The following SELENOT variants were observed in gnomAD, a reference collection of about 807,000 sequenced individuals.
SELENOT encodes selenoprotein T.
A neutral mutation model predicts 24.3 loss-of-function variants in SELENOT; 9 were observed. The ratio of observed to expected loss-of-function variants is 0.37; its 90% CI spans 0.22 to 0.65. The LOEUF (loss-of-function observed/expected upper bound fraction) is 0.65, where lower values mean the gene tolerates loss of function less well. Ranked by LOEUF, SELENOT falls within the 30% of genes least tolerant of loss-of-function variation. SELENOT has a pLI of 0.60. For synonymous variants in SELENOT, 81 were observed against 86.0 expected, an observed-to-expected ratio of 0.94 and a Z score of 0.32; for missense variants, 166 against 247.6, an observed-to-expected ratio of 0.67 and a Z score of 2.21.
intron 4 of SELENOT, among the ~76,000 whole-genome samples, chr3:150,626,309 A>G (rs1726444710): frequency 6.6e-6 from 1 of 152,222 alleles, no homozygotes; most frequent in Non-Finnish European, 1.5e-5. Flanking sequence ...GATCTATTTC[A>G]GTGGTTAGCA....
intron 1 of SELENOT, among the ~76,000 whole-genome samples, chr3:150,615,050 G>A (rs997129460): frequency 8.0e-6 from 1 of 125,532 alleles, no homozygotes; most frequent in African/African-American, 3.1e-5. Flanking sequence ...AGAGTGTGAT[G>A]TTCCCCTTCC....
At chr3:150,604,499 A>G (rs2108002517) in intron 1 of SELENOT, among the ~76,000 whole-genome samples, 1 of 152,356 alleles carries the variant, frequency 6.6e-6, no homozygotes, top group South Asian at 2.1e-4. Context: ...GAGTCCGGAT[A>G]CATTGGAATG....
chr3:150,611,971 C>T, intron 1 of SELENOT: 1 of 617,668 alleles, frequency 1.6e-6, no homozygotes, highest in South Asian at 2.0e-5. Flanking sequence ...AAGTTAGCTG[C>T]ATGGCAGAAC....
chr3:150,626,854 C>G, intron 4 of SELENOT, 156 bp from the exon 5 acceptor site: 1 of 631,278 alleles, frequency 1.6e-6, no homozygotes, highest in Non-Finnish European at 2.7e-6. Flanking sequence ...TGACATTTCC[C>G]CTACTGGAAT....
chr3:150,612,418 C>A (rs1330170752), intron 1 of SELENOT, among the ~76,000 whole-genome samples: 1 of 152,048 alleles, frequency 6.6e-6, no homozygotes, highest in Non-Finnish European at 1.5e-5. Flanking sequence ...TAATGTTGGT[C>A]ATTCTTTCTA....
chr3:150,613,665 CTTTTTTTTTTTTTTTTT>C (rs531822237), intron 1 of SELENOT, among the ~76,000 whole-genome samples: 1 of 78,890 alleles, frequency 1.3e-5, no homozygotes, highest in East Asian at 4.7e-4. Flanking sequence ...AAGATGGGAA[CTTTTTTTTTTTTTTTTT>C]TTTTTTTTTT....
rs547659811 is a variant in SELENOT, at chr3:150,628,479, T to G, written c.*850T>G. ...TGATTTATGGATAATTTCTTAAGAG[T>G]ACACACTTTAGATACACAAATAATC... On this transcript the variant is annotated 3_prime_UTR_variant, in exon 6 of 6. Transcript: ENST00000471696. 1 of 152,476 alleles carries G rather than the reference T, an allele frequency of 6.6e-6. No homozygotes were observed. Among genetic ancestry groups the G allele is most frequent in the African/African-American group, 2.4e-5 (1 of 41,456 alleles). 9.4% of individuals were successfully genotyped at this position (152,476 alleles called of 1,614,324 possible). A position where few individuals can be genotyped will look rare whatever the true frequency, so the allele number is the denominator to read the frequency against.
Position 150,611,809 on chromosome 3 carries a change from G to A in SELENOT, c.137+8310G>A, listed in dbSNP as rs1261168994. On this transcript the variant is annotated intron_variant, in intron 1 of 5. Transcript: ENST00000471696. ...GCCCCTCAGCCCCGATTTCCCGGAC[G>A]AGGCACTGGCGACCACAGCGGCCAC... 3.0e-5 allele frequency: 30 copies of A among 996,822 alleles called. No individual in the cohort carries two copies. The East Asian group carries it at 6.7e-4, about 22-fold the overall frequency. The allele number at this position is 996,822 out of a possible 1,614,324, so 61.7% of individuals were successfully genotyped here. A position where few individuals can be genotyped will look rare whatever the true frequency, so the allele number is the denominator to read the frequency against.
intron 1 of SELENOT, among the ~76,000 whole-genome samples, chr3:150,612,578 A>G (rs1365797096): frequency 6.6e-6 from 1 of 152,222 alleles, no homozygotes; most frequent in Admixed American, 6.5e-5. Context: ...GCTCAATTAT[A>G]AAGTGGGCAT....
intron 1 of SELENOT, among the ~76,000 whole-genome samples, chr3:150,604,952 G>T (rs1026558478): frequency 4.0e-5 from 6 of 150,512 alleles, no homozygotes; most frequent in Admixed American, 1.3e-4. Context: ...CAGGAGAATC[G>T]CTTGAACCCG....
At position 150,603,412 on chromosome 3, in the gene SELENOT, G is replaced by T. The variant is rs775189629; in HGVS notation, c.50G>T (p.Ser17Ile). The T allele has an allele frequency of 6.2e-7, 1 of 1,613,322 alleles. No individual in the cohort carries two copies. Among genetic ancestry groups the T allele is most frequent in the Admixed American group, 1.7e-5 (1 of 59,994 alleles). Reference protein sequence around the residue: ...LLVAASAMVRSEASANLGGVP... With the variant: ...LLVAASAMVRIEASANLGGVP... ...GTGGCGGCGTCTGCGATGGTCCGGA[G>T]CGAGGCCTCGGCCAATCTGGGCGGC... is the stretch of plus-strand genomic sequence containing the variant. The change falls in exon 1 of 6, where the codon AGC (serine) becomes ATC (isoleucine). Residue 17 changes from serine to isoleucine, a missense_variant. Physicochemically the swap from Ser to Ile is moderately radical, Grantham distance 142. Around this residue, in one of 5 missense-constraint regions of SELENOT, gnomAD observed 46 missense variants for 49.3 expected, o/e 0.93. Transcript: ENST00000471696.
intron 1 of SELENOT, among the ~76,000 whole-genome samples, chr3:150,610,801 T>C (rs1726068197): frequency 6.6e-6 from 1 of 152,240 alleles, no homozygotes; most frequent in Non-Finnish European, 1.5e-5. Context: ...CCTACATACA[T>C]GTGTCACTTT....
At chr3:150,621,848 A>C (rs933315886) in intron 1 of SELENOT, among the ~76,000 whole-genome samples, 45 of 152,172 alleles carry the variant, frequency 3.0e-4, no homozygotes, top group Admixed American at 1.3e-3. Flanking sequence ...TGCCTGGTTA[A>C]GGGCAGAATG....
rs913138567 is a variant in SELENOT, at chr3:150,613,768, C to G, written c.138-8617C>G. Among the ~76,000 whole-genome samples, 66 of 147,562 alleles carry G rather than the reference C, an allele frequency of 4.5e-4. 3 individuals are homozygous for G. Among genetic ancestry groups the G allele is most frequent in the African/African-American group, 1.8e-4 (7 of 39,830 alleles). On this transcript the variant is annotated intron_variant, in intron 1 of 5. Coordinates refer to ENST00000471696, the MANE Select transcript of SELENOT (RefSeq NM_016275.5). The stretch of plus-strand genomic sequence containing the variant: ...CGGTGCATTCATCTCATTAGGTTCC[C>G]TAAGATTCTCAACACATGGTGTGTT...
chr3:150,611,291 A>G lies in SELENOT; in HGVS notation c.137+7792A>G, dbSNP rs1576530554. On this transcript the variant is annotated intron_variant, in intron 1 of 5. Transcript: ENST00000471696. ...ACACCACTATCAACCTTGAGATCTGATTTGTTCTTGTCATTCTTCACTGAT... is the reference window on the plus strand; with the variant it reads ...ACACCACTATCAACCTTGAGATCTGGTTTGTTCTTGTCATTCTTCACTGAT... 8 of 1,291,036 alleles carry G rather than the reference A, an allele frequency of 6.2e-6. No individual in the cohort carries two copies. In the East Asian group the frequency reaches 1.9e-4, roughly 30 times the overall value. 80.0% of individuals were successfully genotyped at this position (1,291,036 alleles called of 1,614,324 possible). A position where few individuals can be genotyped will look rare whatever the true frequency, so the allele number is the denominator to read the frequency against.
intron 1 of SELENOT, among the ~76,000 whole-genome samples, chr3:150,610,278 A>C (rs1023391206): frequency 6.6e-6 from 1 of 152,200 alleles, no homozygotes; most frequent in African/African-American, 2.4e-5. Context: ...TTTTCTTTTC[A>C]TTTTGACAAA....
intron 1 of SELENOT, chr3:150,611,471 A>C: frequency 8.4e-7 from 1 of 1,190,436 alleles, no homozygotes; most frequent in South Asian, 1.2e-5. Flanking sequence ...TGTAATTGGT[A>C]TAAATCAACC....
intron 1 of SELENOT, among the ~76,000 whole-genome samples, chr3:150,618,539 A>G (rs1440672769): frequency 1.3e-5 from 2 of 152,098 alleles, no homozygotes; most frequent in Non-Finnish European, 2.9e-5. Flanking sequence ...GAATTAGGAC[A>G]CTGAACACAT....
chr3:150,604,134 C>G (rs1259775742), intron 1 of SELENOT, among the ~76,000 whole-genome samples: 1 of 152,164 alleles, frequency 6.6e-6, no homozygotes. Context: ...AAAAGGAGCA[C>G]GTTGTTCTTC....
Sources: allele counts gnomAD v4.1 joint callset (sites outside exome capture counted in the v4.1 genomes callset), GRCh38; gene constraint gnomAD v4.1.1; regional missense constraint gnomAD v4.1.1; transcripts MANE v1.5; gene names NCBI Gene and HGNC (gene_info 2026-07-23, HGNC 2026-07-21).